Variants in POLE observed in about 807,000 individuals in gnomAD.
POLE encodes DNA polymerase epsilon catalytic subunit A.
Under a neutral mutation model 279.2 loss-of-function variants are expected in POLE, and 188 were observed. The observed-to-expected ratio is 0.67, with a 90% CI of 0.60 to 0.76. POLE has a LOEUF of 0.76. Among genes scored for constraint, POLE ranks in the 30% least tolerant of loss-of-function variants. POLE has a pLI of 0.00. For synonymous variants in POLE, 1,214 were observed against 1,172.5 expected (o/e 1.04, Z -0.72); for missense variants, 2,703 against 3,016.7 (o/e 0.90, Z 2.44).
intron 1 of POLE, among the ~76,000 whole-genome samples, chr12:132,685,340 C>T (rs566777446): frequency 7.2e-5 from 11 of 152,214 alleles, no homozygotes; most frequent in African/African-American, 2.6e-4. Flanking sequence ...CAGAGAGCTA[C>T]CATTGACTGG....
At chr12:132,663,676 G>A (rs768626104) in intron 23 of POLE, among the ~76,000 whole-genome samples, 20 of 152,330 alleles carry the variant, frequency 1.3e-4, no homozygotes, top group Admixed American at 9.8e-4. Flanking sequence ...TTTGACAAGC[G>A]CACCATGGTT....
At position 132,638,173 on chromosome 12, in the gene POLE, G is replaced by A. The variant is rs750180260; in HGVS notation, c.5553-34C>T. Reference sequence around the variant, plus strand: ...CAAGTTGAGAGTCCGTGGTGGAGACGCCACAGTCATGGAGAGCCAGAGGGC... The same window carrying A: ...CAAGTTGAGAGTCCGTGGTGGAGACACCACAGTCATGGAGAGCCAGAGGGC... On this transcript the variant is annotated intron_variant, in intron 40 of 48. Coordinates refer to ENST00000320574, the MANE Select transcript of POLE (RefSeq NM_006231.4). 4.4e-6 allele frequency: 7 copies of A among 1,607,946 alleles called. No individual in the cohort carries two copies. The South Asian group carries it at 4.4e-5, about 10-fold the overall frequency.
At position 132,664,462 on chromosome 12, in the gene POLE, C is replaced by T. The variant is rs1006182755; in HGVS notation, c.2469G>A (p.Gly823=). ...CCATCTCCATGGAGTACCAGCGAGC[C>T]CTGAGAGGACACCACAAACTGGTGG... ...NSFYGYVMRK[G]ARWYSMEMAG... is the part of the protein sequence containing the mutation. The change falls in exon 22 of 49, where the codon GGG becomes GGA. Residue 823 remains glycine (G), a splice_region_variant and synonymous_variant. Coordinates refer to ENST00000320574, the MANE Select transcript of POLE (RefSeq NM_006231.4). This position sits in a 1 kb window ranked among gnomAD's most constrained non-coding sequence, Gnocchi z 5.3. The T allele has an allele frequency of 1.4e-5, 22 of 1,613,424 alleles. No homozygotes were observed. The highest frequency in any genetic ancestry group is 2.5e-6 in the Non-Finnish European group (3 of 1,179,678).
chr12:132,649,212 A>T lies in POLE; in HGVS notation c.4005+94T>A. ...GGGCAGGAAACTCCAGGCCCACTCTAACCCTCCCATCCCAGACCTCAGGGC... is the reference window on the plus strand; with the variant it reads ...GGGCAGGAAACTCCAGGCCCACTCTTACCCTCCCATCCCAGACCTCAGGGC... On this transcript the variant is annotated intron_variant, in intron 31 of 48. Coordinates refer to ENST00000320574, the MANE Select transcript of POLE (RefSeq NM_006231.4). The T allele has an allele frequency of 2.0e-6, 3 of 1,511,084 alleles. No individual in the cohort carries two copies. In the South Asian group the frequency reaches 3.6e-5, roughly 18 times the overall value. 93.6% of individuals were successfully genotyped at this position (1,511,084 alleles called of 1,614,324 possible).
Position 132,675,601 on chromosome 12 carries a change from G to A in POLE, c.1107-84C>T, listed in dbSNP as rs2136010023. ...TCCATTCCTCCCTCAGACCCAGGGAGGAACCCAGACACGGGAGGTGCAGAG... is the reference window on the plus strand; with the variant it reads ...TCCATTCCTCCCTCAGACCCAGGGAAGAACCCAGACACGGGAGGTGCAGAG... On this transcript the variant is annotated intron_variant, in intron 11 of 48. Coordinates refer to ENST00000320574, the MANE Select transcript of POLE (RefSeq NM_006231.4). The surrounding 1 kb of genome is among the most constrained non-coding windows in gnomAD (Gnocchi z 4.3). The A allele has an allele frequency of 3.8e-6, 6 of 1,598,392 alleles. No individual in the cohort carries two copies. Among genetic ancestry groups the A allele is most frequent in the South Asian group, 1.1e-5 (1 of 89,120 alleles).
chr12:132,680,368 C>T (rs1413426552), intron 3 of POLE, 146 bp from the exon 4 acceptor site: 3 of 763,910 alleles, frequency 3.9e-6, no homozygotes, highest in East Asian at 2.5e-5. Context: ...AGTCAGAATG[C>T]GCACTTTTCA....
chr12:132,653,898 G>A (rs1376243651), intron 29 of POLE, among the ~76,000 whole-genome samples: 3 of 152,180 alleles, frequency 2.0e-5, no homozygotes, highest in Non-Finnish European at 4.4e-5. Flanking sequence ...ACCGCATGTT[G>A]TTTCTGCATC....
At chr12:132,637,206 GAA>G (rs2042051812) in intron 41 of POLE, among the ~76,000 whole-genome samples, 1 of 152,232 alleles carries the variant, frequency 6.6e-6, no homozygotes, top group African/African-American at 2.4e-5. Context: ...GATTAGGAAT[GAA>G]AGTCTTATAA....
intron 6 of POLE, among the ~76,000 whole-genome samples, chr12:132,678,986 G>T (rs2043112371): frequency 6.6e-6 from 1 of 152,180 alleles, no homozygotes; most frequent in South Asian, 2.1e-4. Flanking sequence ...TTGTCAGAGG[G>T]TAAGGTAGGT....
chr12:132,671,066 C>T (rs914507622), intron 16 of POLE, among the ~76,000 whole-genome samples: 1 of 150,824 alleles, frequency 6.6e-6, no homozygotes, highest in Non-Finnish European at 1.5e-5. Context: ...AGTTCGAAAG[C>T]AGCCTGGCCA....
At chr12:132,637,831 C>T (rs897423686) in intron 41 of POLE, among the ~76,000 whole-genome samples, 183 bp downstream of exon 41, 3 of 152,246 alleles carry the variant, frequency 2.0e-5, no homozygotes, top group South Asian at 2.1e-4. Context: ...GAGTGGCCTC[C>T]GATCTGCTAC....
At chr12:132,643,025 C>T (rs772735094) in intron 35 of POLE, 29 bp from the exon 36 acceptor site, 16 of 1,564,784 alleles carry the variant, frequency 1.0e-5, no homozygotes, top group Non-Finnish European at 1.4e-5. Flanking sequence ...CGTCAGCCTC[C>T]CCCTGCGCAG....
intron 39 of POLE, 78 bp downstream of exon 39, chr12:132,641,569 T>TA (rs2042141794): frequency 6.3e-6 from 8 of 1,272,060 alleles, no homozygotes; most frequent in Non-Finnish European, 9.0e-6. Flanking sequence ...GACCCTGTCT[T>TA]AGACCTTAGC....
chr12:132,642,633 C>T lies in POLE; in HGVS notation c.4825G>A (p.Val1609Met). ...EIPVLEEFPL[V>M]PICVADKINY... is the part of the protein sequence containing the mutation. ...ATCTTGTCAGCCACACAGATAGGCA[C>T]CAGTGGGAATTCCTCCAAGACAGGA... Residue 1609 changes from valine (V) to methionine (M), a missense_variant, in exon 37 of 49, where the codon GTG becomes ATG. Physicochemically the swap from Val to Met is conservative, Grantham distance 21. Transcript: ENST00000320574. 6.2e-7 allele frequency: 1 copy of T among 1,613,420 alleles called. No individual in the cohort carries two copies. Among genetic ancestry groups the T allele is most frequent in the East Asian group, 2.2e-5 (1 of 44,884 alleles).
At chr12:132,625,992 TC>T (rs1327467184) in intron 46 of POLE, 124 bp downstream of exon 46, 20 of 1,137,478 alleles carry the variant, frequency 1.8e-5, no homozygotes, top group Non-Finnish European at 2.3e-5. Context: ...CTGTTGCCAA[TC>T]CATGTGAGTC....
intron 6 of POLE, among the ~76,000 whole-genome samples, chr12:132,678,912 G>T (rs2043111068): frequency 6.6e-6 from 1 of 152,226 alleles, no homozygotes; most frequent in Non-Finnish European, 1.5e-5. Flanking sequence ...TTGTGGCATT[G>T]CCAGGGAAGG....
intron 32 of POLE, among the ~76,000 whole-genome samples, chr12:132,647,746 C>A (rs2042318965): frequency 1.3e-5 from 2 of 152,180 alleles, no homozygotes; most frequent in African/African-American, 4.8e-5. Context: ...ACGGCCACAG[C>A]ACCACAGCAC....
rs760868103 is a variant in POLE at position 132,677,459 on chromosome 12, T to A, written c.721-16A>T. 6.2e-7 allele frequency: 1 copy of A among 1,611,894 alleles called. No homozygotes were observed. Among genetic ancestry groups the A allele is most frequent in the Non-Finnish European group, 8.5e-7 (1 of 1,178,086 alleles). On this transcript the variant is annotated splice_polypyrimidine_tract_variant and intron_variant, in intron 7 of 48. Transcript: ENST00000320574. ...ACCAATGAGCCTGCAAAACACACAG[T>A]GTGCTAACTAGAGTTCTACATCCAG...
intron 33 of POLE, 84 bp from the exon 34 acceptor site, chr12:132,643,644 T>A (rs5744939): frequency 1.9e-6 from 3 of 1,580,388 alleles, no homozygotes; most frequent in Non-Finnish European, 2.6e-6. Flanking sequence ...GGGATGTGGC[T>A]GTGCCCCTGC....
Sources: allele counts gnomAD v4.1 joint callset (sites outside exome capture counted in the v4.1 genomes callset), GRCh38; gene constraint gnomAD v4.1.1; non-coding constraint Gnocchi (gnomAD v3.1); transcripts MANE v1.5; gene names NCBI Gene and HGNC (gene_info 2026-07-23, HGNC 2026-07-21).